Variants in LRRC28 observed in about 807,000 individuals in gnomAD.
LRRC28 encodes leucine rich repeat containing 28.
Under a neutral mutation model 45.7 loss-of-function variants are expected in LRRC28, and 39 were observed. That is an observed-to-expected ratio of 0.85 (90% confidence interval 0.66 to 1.12). The LOEUF (loss-of-function observed/expected upper bound fraction) is 1.12, where lower values mean the gene tolerates loss of function less well. Among genes scored for constraint, LRRC28 ranks in the 50% most tolerant of loss-of-function variants. LRRC28 has a pLI of 0.00. For synonymous variants in LRRC28, 206 were observed against 178.8 expected (o/e 1.15, Z -1.22); for missense variants, 435 against 438.5 (o/e 0.99, Z 0.07).
At chr15:99,378,453 G>A (rs1490761298) in intron 9 of LRRC28, among the ~76,000 whole-genome samples, 2 of 152,136 alleles carry the variant, frequency 1.3e-5, no homozygotes. Flanking sequence ...AGACGATGGG[G>A]TTTTCTAAAT....
intron 2 of LRRC28, among the ~76,000 whole-genome samples, chr15:99,264,099 A>G (rs1017569008): frequency 1.3e-5 from 2 of 152,252 alleles, no homozygotes; most frequent in Non-Finnish European, 2.9e-5. Flanking sequence ...TCATAGGCCT[A>G]GCCACCATGA....
At chr15:99,380,007 T>C (rs1490983017) in intron 9 of LRRC28, among the ~76,000 whole-genome samples, 1 of 152,234 alleles carries the variant, frequency 6.6e-6, no homozygotes, top group African/African-American at 2.4e-5. Context: ...CTGAGAAGAA[T>C]GTATAGTTGA....
chr15:99,265,321 C>T (rs2081303430), intron 2 of LRRC28, among the ~76,000 whole-genome samples: 1 of 152,074 alleles, frequency 6.6e-6, no homozygotes, highest in Non-Finnish European at 1.5e-5. Context: ...AGTGATATAA[C>T]ATGAAATCTG....
intron 8 of LRRC28, 136 bp from the exon 9 acceptor site, chr15:99,362,970 T>C (rs1054575779): frequency 6.4e-6 from 6 of 935,220 alleles, no homozygotes; most frequent in African/African-American, 1.6e-5. Flanking sequence ...TCAGTGTGTA[T>C]CAATCAGATA....
chr15:99,265,796 C>T (rs1431027706), intron 2 of LRRC28, among the ~76,000 whole-genome samples: 1 of 152,032 alleles, frequency 6.6e-6, no homozygotes, highest in Non-Finnish European at 1.5e-5. Flanking sequence ...GACCTCAGTT[C>T]CTTTATTTAC....
At chr15:99,293,442 A>G (rs1420712738) in intron 5 of LRRC28, among the ~76,000 whole-genome samples, 1 of 151,596 alleles carries the variant, frequency 6.6e-6, no homozygotes, top group African/African-American at 2.4e-5. Flanking sequence ...AAAAATACAA[A>G]ATTAGCCAGG....
intron 2 of LRRC28, among the ~76,000 whole-genome samples, chr15:99,261,750 C>T (rs549997296): frequency 6.6e-5 from 10 of 152,092 alleles, no homozygotes; most frequent in Non-Finnish European, 1.0e-4. Flanking sequence ...CTCTGCCTCC[C>T]GGGTTCAAGT....
chr15:99,252,534 TAGTC>T (rs1296708625), intron 1 of LRRC28, among the ~76,000 whole-genome samples: 3 of 152,216 alleles, frequency 2.0e-5, no homozygotes, highest in Non-Finnish European at 4.4e-5. Flanking sequence ...ACACGCTTTG[TAGTC>T]AGTCCACCTG....
chr15:99,265,816 G>A (rs996080645), intron 2 of LRRC28, among the ~76,000 whole-genome samples: 4 of 152,040 alleles, frequency 2.6e-5, no homozygotes, highest in Non-Finnish European at 5.9e-5. Context: ...CAAGAAAAAA[G>A]GCCACAAGAG....
intron 5 of LRRC28, chr15:99,333,591 C>G: frequency 3.4e-6 from 1 of 293,552 alleles, no homozygotes; most frequent in African/African-American, 2.1e-5. Flanking sequence ...TGTAATTGTT[C>G]TTTTCTCACC....
At chr15:99,293,628 A>AAAAAAAAAAAAAAAAC (rs1567635396) in intron 5 of LRRC28, among the ~76,000 whole-genome samples, 1 of 142,256 alleles carries the variant, frequency 7.0e-6, no homozygotes, top group African/African-American at 2.6e-5. Flanking sequence ...AAAAAAAAAA[A>AAAAAAAAAAAAAAAAC]AAAAACCTAA....
chr15:99,360,734 G>A (rs1422718881), intron 7 of LRRC28, among the ~76,000 whole-genome samples: 1 of 152,118 alleles, frequency 6.6e-6, no homozygotes, highest in Non-Finnish European at 1.5e-5. Context: ...TGTGAGTTTC[G>A]GTAACACTGC....
At chr15:99,351,453 C>T (rs146838077) in intron 6 of LRRC28, among the ~76,000 whole-genome samples, 3,512 of 152,242 alleles carry the variant, frequency 0.023, 58 homozygotes, top group Non-Finnish European at 0.037. Flanking sequence ...TCTTTTGGGG[C>T]CCCCTTTCTC....
At chr15:99,288,006 A>C (rs890805729) in intron 5 of LRRC28, 55 bp downstream of exon 5, 15 of 1,474,444 alleles carry the variant, frequency 1.0e-5, no homozygotes, top group Non-Finnish European at 1.3e-5. Context: ...ATCTGTATTC[A>C]TATTTCTCAC....
chr15:99,356,497 G>A (rs1017726441), intron 7 of LRRC28, among the ~76,000 whole-genome samples: 5 of 152,132 alleles, frequency 3.3e-5, no homozygotes, highest in Admixed American at 6.5e-5. Flanking sequence ...CCAATCTGAA[G>A]GACACATAGA....
rs966401513 is a variant in LRRC28 at position 99,389,572 on chromosome 15, C to A, written c.*3470C>A. 11 of 152,128 alleles carry A rather than the reference C, an allele frequency of 7.2e-5. No homozygotes were observed. Among genetic ancestry groups the A allele is most frequent in the African/African-American group, 2.7e-4 (11 of 41,426 alleles). The allele number at this position is 152,128 out of a possible 1,614,324, so 9.4% of individuals were successfully genotyped here. A position where few individuals can be genotyped will look rare whatever the true frequency, so the allele number is the denominator to read the frequency against. On this transcript the variant is annotated 3_prime_UTR_variant, in exon 10 of 10. Transcript: ENST00000301981. The stretch of plus-strand genomic sequence containing the variant: ...AACTGGACCAACACTAATGTTGCAA[C>A]CTGATAAAATTTGAGATGTAAATTC...
chr15:99,368,792 T>C (rs1051916407), intron 9 of LRRC28, among the ~76,000 whole-genome samples: 1 of 152,226 alleles, frequency 6.6e-6, no homozygotes, highest in African/African-American at 2.4e-5. Context: ...GTGTTCTCTT[T>C]CATGTTTTAC....
chr15:99,272,178 A>G (rs1181663583), intron 2 of LRRC28, among the ~76,000 whole-genome samples: 1 of 152,192 alleles, frequency 6.6e-6, no homozygotes, highest in Non-Finnish European at 1.5e-5. Flanking sequence ...AGAAGCCAGG[A>G]TGGAGCAGGT....
chr15:99,340,074 C>CAG (rs933194356), intron 6 of LRRC28, among the ~76,000 whole-genome samples: 8 of 152,214 alleles, frequency 5.3e-5, no homozygotes, highest in African/African-American at 1.9e-4. Context: ...CACGTGAGTG[C>CAG]AGAGAGTCAT....
Sources: allele counts gnomAD v4.1 joint callset (sites outside exome capture counted in the v4.1 genomes callset), GRCh38; gene constraint gnomAD v4.1.1; transcripts MANE v1.5; gene names NCBI Gene and HGNC (gene_info 2026-07-23, HGNC 2026-07-21).